The following GIGYF2 variants were observed in gnomAD, a reference collection of about 807,000 sequenced individuals.
GIGYF2 encodes GRB10-interacting GYF protein 2.
Under a neutral mutation model 208.1 loss-of-function variants are expected in GIGYF2, and 25 were observed. The observed-to-expected ratio is 0.12, with a 90% CI of 0.09 to 0.17. The LOEUF (loss-of-function observed/expected upper bound fraction) is 0.17. Ranked by LOEUF, GIGYF2 falls within the 10% of genes least tolerant of loss-of-function variation. The pLI, the probability that GIGYF2 is intolerant of heterozygous loss-of-function variation, is 1.00. For missense variants in GIGYF2, 1,302 were observed against 1,579.4 expected (o/e 0.82, Z 2.98); for synonymous variants, 534 against 543.8 (o/e 0.98, Z 0.25).
chr2:232,801,961 G>T (rs1436313091), intron 14 of GIGYF2, among the ~76,000 whole-genome samples: 1 of 152,156 alleles, frequency 6.6e-6, no homozygotes, highest in African/African-American at 2.4e-5. Context: ...GCAGTGTTTT[G>T]TAGTTTTCTT....
chr2:232,832,957 A>G lies in GIGYF2; in HGVS notation c.2630A>G (p.His877Arg), dbSNP rs1212004373. The change falls in exon 22 of 29, where the codon CAT (histidine) becomes CGT (arginine). Residue 877 changes from histidine (H) to arginine (R), a missense_variant. By Grantham distance (29) the His-to-Arg change is conservative. Coordinates refer to ENST00000373563, the MANE Select transcript of GIGYF2 (RefSeq NM_001103146.3). ...RMEEEAARLR[H>R]EEEERKRKEL... ...GAAGAGGAGGCAGCCAGACTCCGGC[A>G]TGAGGAAGAAGAACGGAAGAGAAAG... 1.9e-6 allele frequency: 3 copies of G among 1,573,064 alleles called. No homozygotes were observed. Among genetic ancestry groups the G allele is most frequent in the Non-Finnish European group, 2.6e-6 (3 of 1,159,000 alleles).
Position 232,858,883 on chromosome 2 carries a change from T to C in GIGYF2, c.*2023T>C. 1 of 245,856 alleles carries C rather than the reference T, an allele frequency of 4.1e-6. No individual in the cohort carries two copies. The highest frequency in any genetic ancestry group is 8.0e-6 in the Non-Finnish European group (1 of 124,800). 15.2% of individuals were successfully genotyped at this position (245,856 alleles called of 1,614,324 possible). On this transcript the variant is annotated 3_prime_UTR_variant, in exon 29 of 29. Transcript: ENST00000373563. Reference sequence around the variant, plus strand: ...CTAACATGTGGATCAGCTCCTGCCCTCATACCGCAGACACACCCACTCTGA... The same window carrying C: ...CTAACATGTGGATCAGCTCCTGCCCCCATACCGCAGACACACCCACTCTGA...
At chr2:232,789,692 A>G (rs1175781854) in intron 9 of GIGYF2, among the ~76,000 whole-genome samples, 1 of 152,138 alleles carries the variant, frequency 6.6e-6, no homozygotes, top group Non-Finnish European at 1.5e-5. Flanking sequence ...TAGTGAGAAC[A>G]TTTAACTCTG....
chr2:232,800,934 G>T (rs182272337), intron 14 of GIGYF2, among the ~76,000 whole-genome samples: 1 of 152,070 alleles, frequency 6.6e-6, no homozygotes, highest in East Asian at 1.9e-4. Flanking sequence ...CTGCAGTGCA[G>T]TGGGGCAATC....
At chr2:232,759,832 A>G (rs1698677488) in intron 6 of GIGYF2, among the ~76,000 whole-genome samples, 1 of 152,212 alleles carries the variant, frequency 6.6e-6, no homozygotes, top group Admixed American at 6.5e-5. Flanking sequence ...TTGAACCACC[A>G]GAGAGAGCCT....
At chr2:232,826,526 A>C (rs1057174708) in intron 21 of GIGYF2, among the ~76,000 whole-genome samples, 1 of 152,182 alleles carries the variant, frequency 6.6e-6, no homozygotes, top group Non-Finnish European at 1.5e-5. Context: ...ACAAAAGCCA[A>C]AATAGACAAA....
chr2:232,701,488 G>A (rs537571583), intron 1 of GIGYF2, among the ~76,000 whole-genome samples: 6 of 149,994 alleles, frequency 4.0e-5, no homozygotes, highest in South Asian at 2.1e-4. Context: ...GGAGGGCAGC[G>A]GTGCAATCAC....
intron 22 of GIGYF2, among the ~76,000 whole-genome samples, chr2:232,836,071 G>A (rs1701580445): frequency 6.6e-6 from 1 of 150,906 alleles, no homozygotes; most frequent in Non-Finnish European, 1.5e-5. Context: ...GTTAGCCCTG[G>A]GTAAACGCTG....
At chr2:232,840,226 C>G (rs549013733) in intron 23 of GIGYF2, among the ~76,000 whole-genome samples, 5 of 152,192 alleles carry the variant, frequency 3.3e-5, no homozygotes, top group Non-Finnish European at 5.9e-5. Flanking sequence ...GAGAAGACCT[C>G]ATAAATAAAA....
At chr2:232,711,713 A>G (rs868157163) in intron 2 of GIGYF2, among the ~76,000 whole-genome samples, 80 of 146,242 alleles carry the variant, frequency 5.5e-4, no homozygotes, top group African/African-American at 2.0e-3. Flanking sequence ...ATGTATATAT[A>G]TATATATATA....
intron 8 of GIGYF2, among the ~76,000 whole-genome samples, chr2:232,763,485 A>G (rs753097686): frequency 4.6e-5 from 7 of 152,150 alleles, no homozygotes; most frequent in Non-Finnish European, 1.0e-4. Context: ...TATTAACAGT[A>G]ATAACTAATA....
intron 14 of GIGYF2, among the ~76,000 whole-genome samples, chr2:232,797,296 C>G (rs2106370505): frequency 6.6e-6 from 1 of 152,150 alleles, no homozygotes; most frequent in South Asian, 2.1e-4. Context: ...TGGTTGGTCA[C>G]TTCATATTAG....
chr2:232,848,107 T>G (rs563113989), intron 27 of GIGYF2, among the ~76,000 whole-genome samples: 1 of 152,288 alleles, frequency 6.6e-6, no homozygotes, highest in Non-Finnish European at 1.5e-5. Flanking sequence ...CCCATAAACT[T>G]CTAGTCACAA....
intron 2 of GIGYF2, among the ~76,000 whole-genome samples, chr2:232,704,020 CTAGCACAGTGT>C: frequency 6.6e-6 from 1 of 152,312 alleles, no homozygotes; most frequent in South Asian, 2.1e-4. Context: ...CCAATTGATG[CTAGCACAGTGT>C]TCACATTTCA....
In GIGYF2 at chr2:232,790,722, G is replaced by C. The variant is rs757690621; in HGVS notation, c.737G>C (p.Arg246Pro). ...SPDGPRSAGW[R>P]EHMERRRRFE... is the part of the protein sequence containing the mutation. ...GATGGCCCTCGTTCTGCAGGCTGGC[G>C]GGAACACATGGAACGACGTCGGAGG... Residue 246 changes from arginine to proline, a missense_variant, in exon 10 of 29, where the codon CGG (arginine) becomes CCG (proline). By Grantham distance (103) the Arg-to-Pro change is moderately radical (BLOSUM62 -2). This residue lies in a region of GIGYF2 where 189 missense variants were observed against 257.7 expected (regional missense o/e 0.73). Coordinates refer to ENST00000373563, the MANE Select transcript of GIGYF2 (RefSeq NM_001103146.3). 1.2e-6 allele frequency: 2 copies of C among 1,614,032 alleles called. No homozygotes were observed. The highest frequency in any genetic ancestry group is 1.7e-5 in the Admixed American group (1 of 60,018).
chr2:232,725,573 T>C (rs1407375081), intron 2 of GIGYF2, among the ~76,000 whole-genome samples: 1 of 152,248 alleles, frequency 6.6e-6, no homozygotes, highest in African/African-American at 2.4e-5. Flanking sequence ...TTTGAACTCT[T>C]AGTAAGCACA....
At chr2:232,760,290 C>A in intron 6 of GIGYF2, 190 bp from the exon 7 acceptor site, 1 of 573,846 alleles carries the variant, frequency 1.7e-6, no homozygotes, top group Non-Finnish European at 3.1e-6. Context: ...TTTCTTTCAG[C>A]CTCTTGTGGT....
At chr2:232,812,313 C>T in intron 17 of GIGYF2, 78 bp from the exon 18 acceptor site, 1 of 728,762 alleles carries the variant, frequency 1.4e-6, no homozygotes, top group Non-Finnish European at 2.5e-6. Context: ...ACCTGCTAAT[C>T]TAGAAATTCC....
At chr2:232,847,607 G>T (rs1041356285) in intron 27 of GIGYF2, 36 bp downstream of exon 27, 14 of 1,608,926 alleles carry the variant, frequency 8.7e-6, no homozygotes, top group Non-Finnish European at 1.2e-5. Flanking sequence ...TACCTCTGAG[G>T]ATTAATACCT....
Sources: gnomAD v4.1 joint callset for allele counts (sites outside exome capture counted in the v4.1 genomes callset) on GRCh38, gnomAD v4.1.1 for gene constraint, gnomAD v4.1.1 regional missense constraint, MANE v1.5 for transcripts, NCBI Gene and HGNC (gene_info 2026-07-23, HGNC 2026-07-21) for gene names.